The following TRPM6 variants were observed in gnomAD, a reference collection of about 807,000 sequenced individuals.
TRPM6 encodes transient receptor potential cation channel subfamily M member 6.
Under a neutral mutation model 247.6 loss-of-function variants are expected in TRPM6, and 111 were observed. The observed-to-expected ratio is 0.45, with a 90% CI of 0.38 to 0.52. The LOEUF is 0.52. Among genes scored for constraint, TRPM6 ranks in the 20% least tolerant of loss-of-function variants. The pLI is 0.00. For missense variants in TRPM6, 2,126 were observed against 2,421.5 expected, an observed-to-expected ratio of 0.88 and a Z score of 2.56; for synonymous variants, 892 against 853.8, an observed-to-expected ratio of 1.04 and a Z score of -0.78.
At chr9:74,855,752 A>C (rs1830504480) in intron 2 of TRPM6, among the ~76,000 whole-genome samples, 187 bp from the exon 3 acceptor site, 1 of 152,206 alleles carries the variant, frequency 6.6e-6, no homozygotes, top group Non-Finnish European at 1.5e-5. Flanking sequence ...ACTGTGATCT[A>C]ATTAATACAA....
chr9:74,779,737 A>C (rs1827351469), intron 23 of TRPM6, among the ~76,000 whole-genome samples: 1 of 152,230 alleles, frequency 6.6e-6, no homozygotes, highest in South Asian at 2.1e-4. Context: ...GAGGTGAGGA[A>C]GTGGCCCATA....
chr9:74,798,651 T>C (rs184783642), intron 17 of TRPM6, among the ~76,000 whole-genome samples: 37 of 152,286 alleles, frequency 2.4e-4, no homozygotes, highest in African/African-American at 7.5e-4. Context: ...ACAGTATTCT[T>C]CTACTTGGAA....
At chr9:74,852,428 C>G (rs979969458) in intron 3 of TRPM6, among the ~76,000 whole-genome samples, 2 of 148,146 alleles carry the variant, frequency 1.4e-5, no homozygotes, top group Admixed American at 6.9e-5. Context: ...CTCCCTCTCC[C>G]GCTCCCTCTC....
At chr9:74,759,882 A>G (rs1249628656) in intron 27 of TRPM6, among the ~76,000 whole-genome samples, 2 of 152,222 alleles carry the variant, frequency 1.3e-5, no homozygotes, top group Non-Finnish European at 2.9e-5. Context: ...ATTTATATCT[A>G]ACATATATTT....
intron 1 of TRPM6, among the ~76,000 whole-genome samples, chr9:74,860,111 G>T (rs1286532057): frequency 3.3e-5 from 5 of 152,074 alleles, no homozygotes; most frequent in Non-Finnish European, 5.9e-5. Flanking sequence ...AAATAGAAAG[G>T]AGAAAAACAG....
At chr9:74,792,510 T>C in intron 19 of TRPM6, 114 bp downstream of exon 19, 1 of 1,216,134 alleles carries the variant, frequency 8.2e-7, no homozygotes, top group South Asian at 1.2e-5. Context: ...CTCACTTTTT[T>C]TTAACTAGGT....
rs17060458 is a variant in TRPM6, at chr9:74,763,332, A to G, written c.3537-198T>C. Among the ~76,000 whole-genome samples, 3,139 of 152,270 alleles carry G rather than the reference A, an allele frequency of 0.021. 89 individuals are homozygous for G. Among genetic ancestry groups the G allele is most frequent in the African/African-American group, 0.071 (2,944 of 41,546 alleles). On this transcript the variant is annotated intron_variant, in intron 25 of 38. Transcript: ENST00000360774. ...CTCATCCACTCCTATAATGCCCACT[A>G]CTACCCATAGGAGAGGAAAAACTTA... is the stretch of plus-strand genomic sequence containing the variant.
intron 1 of TRPM6, among the ~76,000 whole-genome samples, chr9:74,882,471 A>G (rs925037560): frequency 2.6e-5 from 4 of 152,254 alleles, no homozygotes; most frequent in East Asian, 1.9e-4. Context: ...ACGTTTCTCA[A>G]ACGAATACAT....
intron 17 of TRPM6, among the ~76,000 whole-genome samples, chr9:74,799,529 CA>C (rs548108211): frequency 1.5e-5 from 2 of 134,602 alleles, no homozygotes; most frequent in African/African-American, 3.2e-5. Context: ...CTTATTCTCT[CA>C]AAAAAAAACA....
intron 1 of TRPM6, among the ~76,000 whole-genome samples, chr9:74,864,112 G>T (rs1830774231): frequency 6.7e-6 from 1 of 149,656 alleles, no homozygotes; most frequent in African/African-American, 2.5e-5. Flanking sequence ...TGCATTCACT[G>T]GACCATCTCT....
At chr9:74,813,936 A>AAAAT (rs1441869014) in intron 11 of TRPM6, among the ~76,000 whole-genome samples, 2 of 152,158 alleles carry the variant, frequency 1.3e-5, no homozygotes, top group Non-Finnish European at 2.9e-5. Flanking sequence ...ATCTCTACTA[A>AAAAT]AAATACAAAA....
chr9:74,772,126 C>CA (rs1196254057), intron 24 of TRPM6, among the ~76,000 whole-genome samples: 1 of 151,940 alleles, frequency 6.6e-6, no homozygotes, highest in Admixed American at 6.6e-5. Flanking sequence ...CCTCTCTCTA[C>CA]AAAAAAATTT....
chr9:74,737,508 TG>T, intron 36 of TRPM6: 2 of 982,686 alleles, frequency 2.0e-6, no homozygotes, highest in Non-Finnish European at 2.8e-6. Flanking sequence ...AACCATAAGA[TG>T]GTTATACCCT....
chr9:74,850,274 A>T (rs1830256597), intron 3 of TRPM6, among the ~76,000 whole-genome samples: 1 of 152,148 alleles, frequency 6.6e-6, no homozygotes, highest in Non-Finnish European at 1.5e-5. Flanking sequence ...CAGGAGGCTG[A>T]AGCACGAGAA....
chr9:74,755,423 T>A lies in TRPM6; in HGVS notation c.4836A>T (p.Pro1612=), dbSNP rs1826401546. The A allele has an allele frequency of 6.2e-7, 1 of 1,614,058 alleles. No homozygotes were observed. Among genetic ancestry groups the A allele is most frequent in the Non-Finnish European group, 8.5e-7 (1 of 1,180,004 alleles). Residue 1612 remains proline (P), a synonymous_variant, in exon 28 of 39, where the codon CCA becomes CCT. Transcript: ENST00000360774. Reference sequence around the variant, plus strand: ...CCTCTTCAGAGATGCTGTTTTCTCCTGGCTCTGGATTCAACTGGTCACTCT... The same window carrying A: ...CCTCTTCAGAGATGCTGTTTTCTCCAGGCTCTGGATTCAACTGGTCACTCT... The part of the protein sequence containing the change: ...CSQSDQLNPE[P]GENSISEEEY...
intron 9 of TRPM6, among the ~76,000 whole-genome samples, chr9:74,819,399 T>G (rs1202549223): frequency 6.6e-6 from 1 of 152,064 alleles, no homozygotes; most frequent in Non-Finnish European, 1.5e-5. Flanking sequence ...ATCCCAGCAC[T>G]TTAGGAGACC....
chr9:74,840,351 T>C (rs1405538411), intron 4 of TRPM6, 114 bp from the exon 5 acceptor site: 3 of 721,486 alleles, frequency 4.2e-6, no homozygotes, highest in Non-Finnish European at 7.4e-6. Flanking sequence ...AAAGGAAGTA[T>C]GTGGGATCTC....
rs1386373547 is a variant in TRPM6 at position 74,739,778 on chromosome 9, A to C, written c.5432T>G (p.Val1811Gly). The C allele has an allele frequency of 1.2e-6, 2 of 1,614,156 alleles. No individual in the cohort carries two copies. Among genetic ancestry groups the C allele is most frequent in the East Asian group, 4.5e-5 (2 of 44,880 alleles). The change falls in exon 34 of 39, where the codon GTG becomes GGG. Residue 1811 changes from valine to glycine, a missense_variant. Around this residue, in one of 3 missense-constraint regions of TRPM6, gnomAD observed 327 missense variants for 397.7 expected, o/e 0.82. Transcript: ENST00000360774. ...CTGGAAGATTTTATGCCATGTCCGCACAACCTCAGGAAGAAAGGACTTGAC... is the reference window on the plus strand; with the variant it reads ...CTGGAAGATTTTATGCCATGTCCGCCCAACCTCAGGAAGAAAGGACTTGAC... ...FIVKSFLPEV[V>G]RTWHKIFQES...
At chr9:74,869,787 A>G (rs1006028968) in intron 1 of TRPM6, among the ~76,000 whole-genome samples, 2 of 151,440 alleles carry the variant, frequency 1.3e-5, no homozygotes, top group Non-Finnish European at 3.0e-5. Flanking sequence ...AAATGACTGT[A>G]GAGATCTCGG....
Sources: allele counts gnomAD v4.1 joint callset (sites outside exome capture counted in the v4.1 genomes callset), GRCh38; gene constraint gnomAD v4.1.1; regional missense constraint gnomAD v4.1.1; transcripts MANE v1.5; gene names NCBI Gene and HGNC (gene_info 2026-07-23, HGNC 2026-07-21).